The following SNX13 variants were observed in gnomAD, a reference collection of about 807,000 sequenced individuals.
SNX13 encodes sorting nexin 13.
Under a neutral mutation model 133.6 loss-of-function variants are expected in SNX13, and 45 were observed. That is an observed-to-expected ratio of 0.34 (90% confidence interval 0.27 to 0.43). The LOEUF is 0.43. SNX13 is among the 20% of genes least tolerant of loss of function. The probability of loss-of-function intolerance (pLI) is 1.00; values close to 1 mark genes in which losing one functional copy is unlikely to be tolerated. For missense variants in SNX13, 1,032 were observed against 1,145.1 expected, an observed-to-expected ratio of 0.90 and a Z score of 1.43; for synonymous variants, 414 against 373.9, an observed-to-expected ratio of 1.11 and a Z score of -1.24.
At chr7:17,825,774 T>A (rs1230913463) in intron 17 of SNX13, among the ~76,000 whole-genome samples, 3 of 152,148 alleles carry the variant, frequency 2.0e-5, no homozygotes, top group African/African-American at 7.2e-5. Flanking sequence ...GTTTTAGAGT[T>A]TATTAGAAAT....
chr7:17,798,133 G>A (rs1267439374), intron 24 of SNX13, among the ~76,000 whole-genome samples: 1 of 151,670 alleles, frequency 6.6e-6, no homozygotes, highest in East Asian at 1.9e-4. Context: ...TCTACTATCT[G>A]TACTTTCCTC....
chr7:17,802,248 G>A (rs989081986), intron 21 of SNX13, among the ~76,000 whole-genome samples: 2 of 152,000 alleles, frequency 1.3e-5, no homozygotes, highest in Non-Finnish European at 2.9e-5. Flanking sequence ...CCCAGATGAT[G>A]AAATCGCCCG....
At chr7:17,796,204 G>A (rs1262001296) in intron 25 of SNX13, 1 of 151,676 alleles carries the variant, frequency 6.6e-6, no homozygotes, top group Non-Finnish European at 1.5e-5. Flanking sequence ...ACGAGAAAAA[G>A]TAAATCTAAG....
At chr7:17,892,251 C>T (rs778588722) in intron 3 of SNX13, among the ~76,000 whole-genome samples, 4 of 151,674 alleles carry the variant, frequency 2.6e-5, no homozygotes, top group Admixed American at 6.6e-5. Flanking sequence ...TATGAAACCA[C>T]GGATATTTTT....
rs567193531 is a variant in SNX13, at chr7:17,895,289, T to C, written c.126-1855A>G. On this transcript the variant is annotated intron_variant, in intron 2 of 25. Transcript: ENST00000428135. The stretch of plus-strand genomic sequence containing the variant: ...GTAGTTGGGTGCCATAAATTAATTA[T>C]ATAACCCAACAAATACAACAGAATG... Among the ~76,000 whole-genome samples, 14 of 152,294 alleles carry C rather than the reference T, an allele frequency of 9.2e-5. No homozygotes were observed. In the South Asian group the frequency reaches 2.7e-3, roughly 29 times the overall value.
intron 1 of SNX13, among the ~76,000 whole-genome samples, chr7:17,930,849 C>T (rs920070595): frequency 2.6e-5 from 4 of 152,078 alleles, no homozygotes; most frequent in Non-Finnish European, 4.4e-5. Flanking sequence ...ACATTAGATT[C>T]TCATAGGAGC....
Position 17,837,176 on chromosome 7 carries a change from C to T in SNX13, c.1360-2311G>A, listed in dbSNP as rs116414832. 3.9e-3 allele frequency among the ~76,000 whole-genome samples: 598 copies of T among 152,036 alleles called. 1 individual carries two copies. Among genetic ancestry groups the T allele is most frequent in the African/African-American group, 0.014 (571 of 41,514 alleles). On this transcript the variant is annotated intron_variant, in intron 13 of 25. Transcript: ENST00000428135. The stretch of plus-strand genomic sequence containing the variant: ...TAAGAGGCAGAATATTGCTCTGTTA[C>T]CCAGGCTGGAGCGCAATCATATGAT...
chr7:17,878,856 T>C (rs1319365737), intron 5 of SNX13, among the ~76,000 whole-genome samples: 1 of 152,158 alleles, frequency 6.6e-6, no homozygotes. Context: ...CAAGTGCAAA[T>C]ATGCCCCTTT....
Position 17,921,454 on chromosome 7 carries a change from C to A in SNX13, c.12+18830G>T, listed in dbSNP as rs367725195. 1.6e-4 allele frequency among the ~76,000 whole-genome samples: 24 copies of A among 152,288 alleles called. 2 individuals carry two copies. Among genetic ancestry groups the A allele is most frequent in the African/African-American group, 5.8e-4 (24 of 41,562 alleles). On this transcript the variant is annotated intron_variant, in intron 1 of 25. Coordinates refer to ENST00000428135, the MANE Select transcript of SNX13 (RefSeq NM_015132.5). ...TGTTCCAAAGTCAAAACAAACACTT[C>A]CATATCCCCGACAACTTCACTATTT... is the stretch of plus-strand genomic sequence containing the variant.
intron 4 of SNX13, among the ~76,000 whole-genome samples, chr7:17,891,305 A>T (rs1052028670): frequency 5.3e-5 from 8 of 152,052 alleles, no homozygotes; most frequent in African/African-American, 1.7e-4. Flanking sequence ...AACACTATCA[A>T]ATGTCAATAA....
At chr7:17,805,209 CT>C (rs1360084886) in intron 20 of SNX13, among the ~76,000 whole-genome samples, 15 of 63,454 alleles carry the variant, frequency 2.4e-4, no homozygotes, top group African/African-American at 9.9e-4. Flanking sequence ...GCTAATGATT[CT>C]TTGTGTGTGT....
intron 12 of SNX13, among the ~76,000 whole-genome samples, chr7:17,843,272 C>T (rs1790116908): frequency 6.6e-6 from 1 of 151,904 alleles, no homozygotes. Flanking sequence ...CAAAATAGAG[C>T]AGGGGAGGCT....
intron 5 of SNX13, chr7:17,888,278 T>C (rs1796238978): frequency 6.6e-6 from 1 of 152,446 alleles, no homozygotes; most frequent in South Asian, 2.1e-4. Context: ...CAAGCAAAGA[T>C]ATAAATTTAG....
rs1320603501 is a variant in SNX13, at chr7:17,886,699, C to T, written c.440+3664G>A. On this transcript the variant is annotated intron_variant, in intron 5 of 25. Transcript: ENST00000428135. ...ACTTTCAAGATCAACAACAAGGTTGCTTGTTATAGTTTCTACTACACTATC... is the reference window on the plus strand; with the variant it reads ...ACTTTCAAGATCAACAACAAGGTTGTTTGTTATAGTTTCTACTACACTATC... 1.2e-3 allele frequency among the ~76,000 whole-genome samples: 190 copies of T among 152,120 alleles called. 4 individuals are homozygous for T. Among genetic ancestry groups the T allele is most frequent in the Non-Finnish European group, 4.4e-5 (3 of 67,998 alleles).
intron 9 of SNX13, among the ~76,000 whole-genome samples, chr7:17,862,011 T>A (rs954036541): frequency 1.3e-5 from 2 of 152,336 alleles, no homozygotes; most frequent in African/African-American, 4.8e-5. Flanking sequence ...CCATCAGTAA[T>A]TCAGCTATTT....
intron 1 of SNX13, among the ~76,000 whole-genome samples, chr7:17,928,548 A>AAAAGG (rs1437127208): frequency 6.6e-6 from 1 of 152,192 alleles, no homozygotes; most frequent in Non-Finnish European, 1.5e-5. Context: ...AAGGTTTTTT[A>AAAAGG]AAAGGGAGGA....
intron 12 of SNX13, among the ~76,000 whole-genome samples, chr7:17,843,135 CAG>C (rs1247284729): frequency 4.0e-5 from 6 of 151,794 alleles, no homozygotes; most frequent in Admixed American, 3.3e-4. Context: ...AATCAAAAGA[CAG>C]AGACTGGCAG....
At chr7:17,811,168 A>G (rs1014234285) in intron 20 of SNX13, among the ~76,000 whole-genome samples, 1 of 152,200 alleles carries the variant, frequency 6.6e-6, no homozygotes, top group East Asian at 1.9e-4. Context: ...CGGGCAAGAG[A>G]AAGAAAGAAA....
chr7:17,937,802 A>C (rs1053138979), intron 1 of SNX13, among the ~76,000 whole-genome samples: 1 of 152,178 alleles, frequency 6.6e-6, no homozygotes, highest in African/African-American at 2.4e-5. Flanking sequence ...CAACTTTCTC[A>C]ACCTGTTTTA....
Sources: allele counts gnomAD v4.1 joint callset (sites outside exome capture counted in the v4.1 genomes callset), GRCh38; gene constraint gnomAD v4.1.1; transcripts MANE v1.5; gene names NCBI Gene and HGNC (gene_info 2026-07-23, HGNC 2026-07-21).